The following TTC28 variants were observed in gnomAD, a reference collection of about 807,000 sequenced individuals.
TTC28 encodes tetratricopeptide repeat domain 28.
In TTC28, 61 loss-of-function variants were observed where a neutral mutation model predicts 198.0. The ratio of observed to expected loss-of-function variants is 0.31; its 90% CI spans 0.25 to 0.38. The LOEUF is 0.38. Among genes scored for constraint, TTC28 ranks in the 10% least tolerant of loss-of-function variants. The probability of loss-of-function intolerance (pLI) is 1.00; values close to 1 mark genes in which losing one functional copy is unlikely to be tolerated. For missense variants in TTC28, 2,678 were observed against 3,164.0 expected (o/e 0.85, Z 3.69); for synonymous variants, 1,171 against 1,297.8 (o/e 0.90, Z 2.10).
intron 2 of TTC28, among the ~76,000 whole-genome samples, chr22:28,309,780 T>C (rs1163538392): frequency 2.0e-5 from 3 of 152,092 alleles, no homozygotes; most frequent in Non-Finnish European, 4.4e-5. Context: ...CACCACATAC[T>C]GGTCATTGGT....
intron 2 of TTC28, among the ~76,000 whole-genome samples, chr22:28,562,538 A>C (rs528587349): frequency 6.6e-6 from 1 of 152,194 alleles, no homozygotes; most frequent in African/African-American, 2.4e-5. Context: ...ACTAACACAC[A>C]ATAAGTAAAC....
intron 5 of TTC28, among the ~76,000 whole-genome samples, chr22:28,216,089 C>A (rs2147191185): frequency 6.6e-6 from 1 of 152,298 alleles, no homozygotes; most frequent in South Asian, 2.1e-4. Context: ...AGAGGAGATG[C>A]ACTTTGGGTC....
At chr22:28,004,919 G>C (rs1197820202) in intron 14 of TTC28, among the ~76,000 whole-genome samples, 1 of 152,188 alleles carries the variant, frequency 6.6e-6, no homozygotes, top group Non-Finnish European at 1.5e-5. Context: ...CAGCACCTGG[G>C]CCTGTCAGCC....
At position 28,108,125 on chromosome 22, in the gene TTC28, G is replaced by C. The variant is rs1435350539; in HGVS notation, c.1720C>G (p.Leu574Val). 6.4e-7 allele frequency: 1 copy of C among 1,551,718 alleles called. No individual in the cohort carries two copies. The highest frequency in any genetic ancestry group is 1.2e-5 in the South Asian group (1 of 84,062). Residue 574 changes from leucine (L) to valine (V), a missense_variant, in exon 7 of 23, where the codon CTG (leucine) becomes GTG (valine). Physicochemically the swap from Leu to Val is conservative, Grantham distance 32. Transcript: ENST00000397906. ...TTCAAGTGGTTCTGATAGTGTTGCA[G>C]GGCCCGGTCATGGGCACCCAGGGCC... Reference protein sequence around the residue: ...YQALGAHDRALQHYQNHLNIA... With the variant: ...YQALGAHDRAVQHYQNHLNIA...
At chr22:28,259,859 C>A (rs1448171884) in intron 5 of TTC28, among the ~76,000 whole-genome samples, 1 of 152,080 alleles carries the variant, frequency 6.6e-6, no homozygotes, top group African/African-American at 2.4e-5. Context: ...CACATGATTT[C>A]TCTCAGAGGA....
chr22:28,416,532 C>T (rs1012723883), intron 2 of TTC28, among the ~76,000 whole-genome samples: 1 of 152,174 alleles, frequency 6.6e-6, no homozygotes, highest in East Asian at 1.9e-4. Flanking sequence ...ATTTACCAGG[C>T]TGTAAAATGG....
At position 28,297,598 on chromosome 22, in the gene TTC28, C is replaced by G. The variant is rs979905000; in HGVS notation, c.784G>C (p.Asp262His). 33 of 1,551,372 alleles carry G rather than the reference C, an allele frequency of 2.1e-5. No individual in the cohort carries two copies. In the Admixed American group the frequency reaches 6.1e-4, roughly 29 times the overall value. ...ACTCTACCTAAGGTCTTGGCTACAT[C>G]CAAGTCCTGCTGCATATATCCGGTG... ...KSTGYMQQDL[D>H]VAKTLGDQTG... The change falls in exon 4 of 23, where the codon GAT (aspartate) becomes CAT (histidine). Residue 262 changes from aspartate (D) to histidine (H), a missense_variant. Coordinates refer to ENST00000397906, the MANE Select transcript of TTC28 (RefSeq NM_001145418.2).
At chr22:28,605,985 G>C (rs188465097) in intron 2 of TTC28, among the ~76,000 whole-genome samples, 1 of 151,986 alleles carries the variant, frequency 6.6e-6, no homozygotes, top group Admixed American at 6.6e-5. Context: ...AATTTGGTAA[G>C]GCAATGTATG....
Position 28,553,765 on chromosome 22 carries a change from C to T in TTC28, c.381+75787G>A, listed in dbSNP as rs546053473. 2.7e-5 allele frequency among the ~76,000 whole-genome samples: 4 copies of T among 150,356 alleles called. No homozygotes were observed. The South Asian group carries it at 6.4e-4, about 24-fold the overall frequency. ...GGAGGGAGGTGAGGGGGTCAGCCCC[C>T]CGCCCGGCCAGCCACCCCGTCCGGG... is the stretch of plus-strand genomic sequence containing the variant. On this transcript the variant is annotated intron_variant, in intron 2 of 22. Coordinates refer to ENST00000397906, the MANE Select transcript of TTC28 (RefSeq NM_001145418.2).
chr22:28,259,496 A>G (rs1931176223), intron 5 of TTC28, among the ~76,000 whole-genome samples: 1 of 152,044 alleles, frequency 6.6e-6, no homozygotes, highest in South Asian at 2.1e-4. Flanking sequence ...GTTAGCCCAG[A>G]AATGCTCGGG....
chr22:27,999,200 C>T lies in TTC28; in HGVS notation c.4459G>A (p.Gly1487Ser), dbSNP rs763316313. 26 of 1,550,774 alleles carry T rather than the reference C, an allele frequency of 1.7e-5. No individual in the cohort carries two copies. The highest frequency in any genetic ancestry group is 2.4e-5 in the East Asian group (1 of 40,922). Residue 1487 changes from glycine to serine, a missense_variant, in exon 16 of 23, where the codon GGC becomes AGC. By Grantham distance (56) the Gly-to-Ser change is moderately conservative (BLOSUM62 0). This residue lies in a region of TTC28 where 727 missense variants were observed against 861.9 expected (regional missense o/e 0.84). Coordinates refer to ENST00000397906, the MANE Select transcript of TTC28 (RefSeq NM_001145418.2). ...SSSTSMAAVIGNPKLPSAVMD... is the reference protein window; with the variant it reads ...SSSTSMAAVISNPKLPSAVMD... Reference sequence around the variant, plus strand: ...ACGGCCGATGGTAGCTTGGGGTTGCCGATGACAGCCGCCATGGATGTGGAG... The same window carrying T: ...ACGGCCGATGGTAGCTTGGGGTTGCTGATGACAGCCGCCATGGATGTGGAG...
At chr22:28,244,631 A>T (rs1349027939) in intron 5 of TTC28, among the ~76,000 whole-genome samples, 1 of 152,142 alleles carries the variant, frequency 6.6e-6, no homozygotes, top group Non-Finnish European at 1.5e-5. Flanking sequence ...AAAGCTCTGT[A>T]TTTTCTCTTC....
intron 16 of TTC28, chr22:27,998,331 G>A (rs1937587264): frequency 1.2e-6 from 1 of 817,454 alleles, no homozygotes; most frequent in Non-Finnish European, 1.9e-6. Context: ...AAATGGTTCT[G>A]TTGCTCCCTG....
chr22:28,071,748 G>GAAAAAAAAAAAAAAAAAAAAAAAA (rs371615737), intron 12 of TTC28, among the ~76,000 whole-genome samples: 2 of 91,132 alleles, frequency 2.2e-5, no homozygotes, highest in Non-Finnish European at 4.6e-5. Flanking sequence ...AAAAAAAAAG[G>GAAAAAAAAAAAAAAAAAAAAAAAA]AAAAAAAAAA....
intron 12 of TTC28, among the ~76,000 whole-genome samples, chr22:28,087,501 G>A (rs1941651447): frequency 6.6e-6 from 1 of 152,210 alleles, no homozygotes; most frequent in South Asian, 2.1e-4. Context: ...AGGTATTGAT[G>A]GGACGTATCT....
At chr22:28,526,418 C>T (rs983022586) in intron 2 of TTC28, among the ~76,000 whole-genome samples, 2 of 152,120 alleles carry the variant, frequency 1.3e-5, no homozygotes, top group African/African-American at 4.8e-5. Context: ...TAAAAAATAA[C>T]TATTTGAAGG....
At chr22:28,431,839 G>A (rs1270624943) in intron 2 of TTC28, among the ~76,000 whole-genome samples, 1 of 152,004 alleles carries the variant, frequency 6.6e-6, no homozygotes, top group Non-Finnish European at 1.5e-5. Context: ...TGAGCCGGGC[G>A]TGGTGGCATG....
chr22:28,511,933 G>A (rs1408674735), intron 2 of TTC28, among the ~76,000 whole-genome samples: 3 of 151,588 alleles, frequency 2.0e-5, no homozygotes, highest in Admixed American at 6.6e-5. Context: ...AACACCAAAA[G>A]CAATTCCAAG....
chr22:28,367,234 C>CA (rs1295077446), intron 2 of TTC28, among the ~76,000 whole-genome samples: 2 of 151,922 alleles, frequency 1.3e-5, no homozygotes, highest in African/African-American at 4.8e-5. Flanking sequence ...GAAATAATAT[C>CA]AAGTATCTTC....
Sources: allele counts gnomAD v4.1 joint callset (sites outside exome capture counted in the v4.1 genomes callset), GRCh38; gene constraint gnomAD v4.1.1; regional missense constraint gnomAD v4.1.1; transcripts MANE v1.5; gene names NCBI Gene and HGNC (gene_info 2026-07-23, HGNC 2026-07-21).